Variants in DSCAML1 observed in about 807,000 individuals in gnomAD.
DSCAML1 encodes cell adhesion molecule DSCAML1.
DSCAML1 carries 38 observed loss-of-function variants against 200.5 expected under a neutral mutation model. The observed-to-expected ratio is 0.19, with a 90% CI of 0.15 to 0.25. DSCAML1 has a LOEUF of 0.25. DSCAML1 is among the 10% of genes least tolerant of loss of function. The pLI is 1.00. For synonymous variants in DSCAML1, 1,215 were observed against 1,165.0 expected (o/e 1.04, Z -0.87); for missense variants, 2,223 against 2,858.8 (o/e 0.78, Z 5.07).
intron 11 of DSCAML1, among the ~76,000 whole-genome samples, chr11:117,494,468 A>G (rs2049252513): frequency 6.6e-6 from 1 of 152,270 alleles, no homozygotes; most frequent in South Asian, 2.1e-4. Flanking sequence ...TGGCTAGGAA[A>G]CTATTTTGCA....
Position 117,428,293 on chromosome 11 carries a change from G to A in DSCAML1, c.*35C>T, listed in dbSNP as rs2047701576. On this transcript the variant is annotated 3_prime_UTR_variant, in exon 33 of 33. Transcript: ENST00000651296. ...AGCTGGCGTGTGGGGCTGCGGCGCG[G>A]CGCGGTCCAGGCGTGGCTGCTCTTC... is the stretch of plus-strand genomic sequence containing the variant. 5 of 1,215,118 alleles carry A rather than the reference G, an allele frequency of 4.1e-6. No homozygotes were observed. The highest frequency in any genetic ancestry group is 6.0e-6 in the Non-Finnish European group (5 of 835,346). 75.3% of individuals were successfully genotyped at this position (1,215,118 alleles called of 1,614,324 possible). A position where few individuals can be genotyped will look rare whatever the true frequency, so the allele number is the denominator to read the frequency against.
chr11:117,695,044 CG>C (rs1295473595), intron 3 of DSCAML1, among the ~76,000 whole-genome samples: 1 of 151,908 alleles, frequency 6.6e-6, no homozygotes, highest in African/African-American at 2.4e-5. Flanking sequence ...GCTTGGCAGC[CG>C]TATGGTGGAT....
At chr11:117,794,789 C>G (rs571491850) in intron 1 of DSCAML1, among the ~76,000 whole-genome samples, 3 of 152,050 alleles carry the variant, frequency 2.0e-5, no homozygotes. Context: ...GAACAGGCCC[C>G]AGGGACCAGC....
At chr11:117,438,864 C>T (rs373189287) in intron 24 of DSCAML1, 21 bp downstream of exon 24, 78 of 1,534,880 alleles carry the variant, frequency 5.1e-5, no homozygotes, top group African/African-American at 1.8e-4. Flanking sequence ...TATCTTCCCC[C>T]GCATCCAGAC....
chr11:117,481,214 C>A lies in DSCAML1; in HGVS notation c.2616G>T (p.Ser872=). Residue 872 remains serine, a synonymous_variant, in exon 13 of 33, where the codon TCG becomes TCT. Coordinates refer to ENST00000651296, the MANE Select transcript of DSCAML1 (RefSeq NM_020693.4). ...SVFFSCHAIN[S]YGEDRGLIQL... ...GGATCAAGCCCCGGTCCTCCCCATA[C>A]GAGTTGATGGCATGGCAGCTGAAGA... The A allele has an allele frequency of 1.9e-6, 3 of 1,613,890 alleles. No homozygotes were observed. The highest frequency in any genetic ancestry group is 2.5e-6 in the Non-Finnish European group (3 of 1,179,986).
intron 3 of DSCAML1, among the ~76,000 whole-genome samples, chr11:117,743,879 C>T (rs1324784536): frequency 1.3e-5 from 2 of 152,320 alleles, no homozygotes; most frequent in East Asian, 1.9e-4. Flanking sequence ...CTCCACCCCA[C>T]ACCGAGGAAA....
chr11:117,605,322 G>A (rs2051543663), intron 3 of DSCAML1, among the ~76,000 whole-genome samples: 1 of 152,124 alleles, frequency 6.6e-6, no homozygotes, highest in Non-Finnish European at 1.5e-5. Context: ...GGTTGACCAT[G>A]CCCGCACCTC....
chr11:117,456,319 T>C (rs1197263957), intron 19 of DSCAML1, among the ~76,000 whole-genome samples: 1 of 152,246 alleles, frequency 6.6e-6, no homozygotes, highest in Non-Finnish European at 1.5e-5. Context: ...TCAGGACTTC[T>C]TGCTATGTGT....
chr11:117,760,097 C>G (rs1215479495), intron 3 of DSCAML1, among the ~76,000 whole-genome samples: 3 of 152,176 alleles, frequency 2.0e-5, no homozygotes, highest in Non-Finnish European at 4.4e-5. Context: ...TCCCCCAGCC[C>G]TAGATTATCA....
intron 3 of DSCAML1, among the ~76,000 whole-genome samples, chr11:117,637,641 C>T (rs1030714750): frequency 3.3e-5 from 5 of 151,990 alleles, no homozygotes; most frequent in Admixed American, 2.0e-4. Context: ...CACTGCTCCC[C>T]GCCCTCAATA....
chr11:117,648,652 C>A (rs2052569067), intron 3 of DSCAML1, among the ~76,000 whole-genome samples: 1 of 152,156 alleles, frequency 6.6e-6, no homozygotes, highest in African/African-American at 2.4e-5. Flanking sequence ...TAATACCTCA[C>A]CCCTTGGTTG....
chr11:117,625,025 G>C (rs895186371), intron 3 of DSCAML1, among the ~76,000 whole-genome samples: 4 of 152,086 alleles, frequency 2.6e-5, no homozygotes, highest in Non-Finnish European at 5.9e-5. Context: ...GAGTGTGGCC[G>C]GGGCTTTGGA....
chr11:117,431,168 C>A, intron 31 of DSCAML1, 135 bp from the exon 32 acceptor site: 1 of 855,050 alleles, frequency 1.2e-6, no homozygotes, highest in South Asian at 1.7e-5. Flanking sequence ...GAGAAGATCC[C>A]GTGAAGGTGG....
intron 3 of DSCAML1, among the ~76,000 whole-genome samples, chr11:117,736,652 T>C (rs996132723): frequency 3.3e-5 from 5 of 152,166 alleles, no homozygotes; most frequent in African/African-American, 1.2e-4. Flanking sequence ...CTCCCACCAG[T>C]CATTCTACAG....
chr11:117,632,245 G>C (rs1295367898), intron 3 of DSCAML1, among the ~76,000 whole-genome samples: 1 of 152,188 alleles, frequency 6.6e-6, no homozygotes, highest in Non-Finnish European at 1.5e-5. Context: ...TCAGAGGATA[G>C]CCACATGCGG....
chr11:117,530,711 T>C (rs2050062265), intron 4 of DSCAML1, among the ~76,000 whole-genome samples: 1 of 151,560 alleles, frequency 6.6e-6, no homozygotes, highest in South Asian at 2.1e-4. Context: ...CTGGAGAGAG[T>C]CTCTGTGGGT....
intron 3 of DSCAML1, among the ~76,000 whole-genome samples, chr11:117,630,480 C>G (rs2052147343): frequency 6.6e-6 from 1 of 151,900 alleles, no homozygotes; most frequent in South Asian, 2.1e-4. Flanking sequence ...GCCCACCCTG[C>G]TGAGGGAGGA....
intron 3 of DSCAML1, among the ~76,000 whole-genome samples, chr11:117,576,475 C>A (rs1156781727): frequency 6.6e-6 from 1 of 152,224 alleles, no homozygotes; most frequent in African/African-American, 2.4e-5. Context: ...CTCCCAGTTC[C>A]CTTCACTTTA....
At chr11:117,528,417 C>T (rs745880815) in intron 4 of DSCAML1, among the ~76,000 whole-genome samples, 5 of 152,178 alleles carry the variant, frequency 3.3e-5, no homozygotes, top group African/African-American at 9.7e-5. Context: ...TAAAATGCTG[C>T]GGCGTGTACA....
Sources: allele counts gnomAD v4.1 joint callset (sites outside exome capture counted in the v4.1 genomes callset), GRCh38; gene constraint gnomAD v4.1.1; transcripts MANE v1.5; gene names NCBI Gene and HGNC (gene_info 2026-07-23, HGNC 2026-07-21).